Variants in THSD4 observed in about 807,000 individuals in gnomAD.
THSD4 encodes thrombospondin type 1 domain containing 4.
THSD4 carries 69 observed loss-of-function variants against 119.0 expected under a neutral mutation model. The ratio of observed to expected loss-of-function variants is 0.58; its 90% confidence interval spans 0.48 to 0.71. THSD4 has a LOEUF of 0.71. Ranked by LOEUF, THSD4 falls within the 30% of genes least tolerant of loss-of-function variation. The pLI is 0.00. For synonymous variants in THSD4, 524 were observed against 540.4 expected (o/e 0.97, Z 0.42); for missense variants, 1,393 against 1,391.1 (o/e 1.00, Z -0.02).
intron 3 of THSD4, among the ~76,000 whole-genome samples, chr15:71,201,400 A>T (rs1178017613): frequency 6.6e-6 from 1 of 152,194 alleles, no homozygotes; most frequent in African/African-American, 2.4e-5. Context: ...TAGTATTTTT[A>T]AGATTAAACA....
At chr15:71,159,000 T>C (rs1021147304) in intron 3 of THSD4, among the ~76,000 whole-genome samples, 5 of 152,184 alleles carry the variant, frequency 3.3e-5, no homozygotes, top group Non-Finnish European at 5.9e-5. Flanking sequence ...CCATTTTCAG[T>C]TGATTTTAGT....
intron 6 of THSD4, among the ~76,000 whole-genome samples, chr15:71,271,094 C>G (rs775577136): frequency 3.1e-4 from 47 of 152,052 alleles, no homozygotes; most frequent in Non-Finnish European, 5.9e-4. Flanking sequence ...TAAAAAGCTT[C>G]TTCATCATTT....
chr15:71,778,245 A>G lies in THSD4; in HGVS notation c.*871A>G, dbSNP rs2053948239. 4.6e-5 allele frequency: 7 copies of G among 152,266 alleles called. No homozygotes were observed. The South Asian group carries it at 1.4e-3, about 32-fold the overall frequency. The allele number at this position is 152,266 out of a possible 1,614,324, so 9.4% of individuals were successfully genotyped here. Reference sequence around the variant, plus strand: ...CCAGGCCCCTGAAATCTTTCCGGTCAAGCCTTTATCCCAGCACTCAGTTGT... The same window carrying G: ...CCAGGCCCCTGAAATCTTTCCGGTCGAGCCTTTATCCCAGCACTCAGTTGT... On this transcript the variant is annotated 3_prime_UTR_variant, in exon 18 of 18. Coordinates refer to ENST00000261862, the MANE Select transcript of THSD4 (RefSeq NM_024817.3).
chr15:71,242,599 T>G, intron 4 of THSD4, 50 bp from the exon 5 acceptor site: 1 of 1,575,996 alleles, frequency 6.3e-7, no homozygotes, highest in Non-Finnish European at 8.7e-7. Context: ...TGAGTTAACA[T>G]GAAATTCATC....
chr15:71,448,495 G>A (rs1017840528), intron 7 of THSD4, among the ~76,000 whole-genome samples: 3 of 152,176 alleles, frequency 2.0e-5, no homozygotes, highest in Admixed American at 6.5e-5. Context: ...CCGTATTTGC[G>A]TGGTTTGCTG....
intron 6 of THSD4, among the ~76,000 whole-genome samples, chr15:71,328,686 TA>T (rs950257639): frequency 9.9e-5 from 15 of 152,208 alleles, no homozygotes; most frequent in African/African-American, 2.7e-4. Context: ...ATGGGCTTAT[TA>T]AATGTGCTGA....
intron 7 of THSD4, among the ~76,000 whole-genome samples, chr15:71,619,180 C>G (rs1319340369): frequency 6.6e-6 from 1 of 151,926 alleles, no homozygotes; most frequent in African/African-American, 2.4e-5. Context: ...CCATGTTGGC[C>G]AGGCTGGTCT....
chr15:71,568,797 G>A (rs929015658), intron 7 of THSD4, among the ~76,000 whole-genome samples: 3 of 152,106 alleles, frequency 2.0e-5, no homozygotes, highest in African/African-American at 7.2e-5. Flanking sequence ...GTGTCCAAGT[G>A]TTCTCATTGT....
At chr15:71,109,731 G>GAAAA (rs10717858) in intron 1 of THSD4, among the ~76,000 whole-genome samples, 169 of 132,690 alleles carry the variant, frequency 1.3e-3, no homozygotes, top group African/African-American at 4.3e-3. Flanking sequence ...CACTAAAAGA[G>GAAAA]AAAAAAAAAA....
intron 7 of THSD4, among the ~76,000 whole-genome samples, chr15:71,588,262 C>T (rs1293701158): frequency 5.5e-5 from 8 of 145,678 alleles, no homozygotes; most frequent in Admixed American, 4.1e-4. Context: ...GCCGAGATCG[C>T]GCCACTGCAC....
chr15:71,289,676 TG>T (rs2044765185), intron 6 of THSD4, among the ~76,000 whole-genome samples: 2 of 152,280 alleles, frequency 1.3e-5, no homozygotes, highest in East Asian at 3.9e-4. Flanking sequence ...AAAAGGCAAA[TG>T]TTGATCTGTT....
intron 11 of THSD4, among the ~76,000 whole-genome samples, chr15:71,744,057 G>A (rs964726059): frequency 8.6e-5 from 13 of 151,962 alleles, no homozygotes; most frequent in African/African-American, 3.1e-4. Context: ...AGGTTCAGGG[G>A]TTACATTTCT....
At chr15:71,263,553 T>C (rs1052205193) in intron 6 of THSD4, among the ~76,000 whole-genome samples, 2 of 152,196 alleles carry the variant, frequency 1.3e-5, no homozygotes, top group African/African-American at 4.8e-5. Flanking sequence ...TCTCTAAGTC[T>C]TTGAGGAATT....
intron 2 of THSD4, among the ~76,000 whole-genome samples, chr15:71,143,372 G>A (rs140860860): frequency 6.4e-4 from 97 of 152,204 alleles, no homozygotes; most frequent in Middle Eastern, 6.8e-3. Flanking sequence ...TAAAACTATA[G>A]GGTAGTGAGA....
intron 5 of THSD4, among the ~76,000 whole-genome samples, chr15:71,248,295 C>T (rs996776555): frequency 3.9e-5 from 6 of 152,094 alleles, no homozygotes; most frequent in African/African-American, 1.4e-4. Context: ...ACAACAACAA[C>T]AACAAAAAAT....
chr15:71,100,364 C>T (rs955213453), intron 1 of THSD4, among the ~76,000 whole-genome samples: 1 of 152,152 alleles, frequency 6.6e-6, no homozygotes, highest in Admixed American at 6.5e-5. Flanking sequence ...TGGGGAGGCT[C>T]ACATGGCAAG....
intron 1 of THSD4, among the ~76,000 whole-genome samples, chr15:71,101,056 T>C (rs916936276): frequency 3.3e-5 from 5 of 152,110 alleles, no homozygotes; most frequent in African/African-American, 7.2e-5. Flanking sequence ...TGTTTGTACT[T>C]AGATCACCAT....
chr15:71,329,218 A>G (rs2045389614), intron 6 of THSD4, among the ~76,000 whole-genome samples: 1 of 152,176 alleles, frequency 6.6e-6, no homozygotes, highest in African/African-American at 2.4e-5. Context: ...GGTTGTATCC[A>G]TCATTATGGG....
At chr15:71,629,758 C>T (rs1243904298) in intron 7 of THSD4, among the ~76,000 whole-genome samples, 11 of 152,296 alleles carry the variant, frequency 7.2e-5, no homozygotes, top group South Asian at 2.1e-4. Context: ...CTCCCTTGCC[C>T]CCATCCCAAA....
Sources: gnomAD v4.1 joint callset for allele counts (sites outside exome capture counted in the v4.1 genomes callset) on GRCh38, gnomAD v4.1.1 for gene constraint, MANE v1.5 for transcripts, NCBI Gene and HGNC (gene_info 2026-07-23, HGNC 2026-07-21) for gene names.